Variants in EFL1 observed in about 807,000 individuals in gnomAD.
The protein encoded by EFL1 is elongation factor-like GTPase 1.
In EFL1, 76 loss-of-function variants were observed where a neutral mutation model predicts 126.7. The ratio of observed to expected loss-of-function variants is 0.60; its 90% CI spans 0.50 to 0.73. EFL1 has a LOEUF of 0.73. EFL1 is among the 30% of genes least tolerant of loss of function. The probability of loss-of-function intolerance (pLI) is 0.00; values close to 1 mark genes in which losing one functional copy is unlikely to be tolerated. For synonymous variants in EFL1, 410 were observed against 448.4 expected, an observed-to-expected ratio of 0.91 and a Z score of 1.08; for missense variants, 1,128 against 1,343.2, an observed-to-expected ratio of 0.84 and a Z score of 2.50.
At chr15:82,134,712 G>C (rs1330555299) in intron 19 of EFL1, among the ~76,000 whole-genome samples, 1 of 152,174 alleles carries the variant, frequency 6.6e-6, no homozygotes, top group Non-Finnish European at 1.5e-5. Flanking sequence ...TGAATCTTGA[G>C]GTTATGCTGA....
At chr15:82,231,751 A>G (rs1394892261) in intron 7 of EFL1, among the ~76,000 whole-genome samples, 1 of 152,168 alleles carries the variant, frequency 6.6e-6, no homozygotes, top group African/African-American at 2.4e-5. Context: ...AATAAAGGGT[A>G]TACTGATTAG....
At chr15:82,168,099 A>C (rs1501371) in intron 15 of EFL1, among the ~76,000 whole-genome samples, 97,142 of 151,986 alleles carry the variant, frequency 0.64, 32,520 homozygotes, top group African/African-American at 0.84. Context: ...GAGAACCCTT[A>C]GTTTTGAAAG....
rs1198678201 is a variant in EFL1 at position 82,241,312 on chromosome 15, T to C, written c.336A>G (p.Gly112=). ...CCACAGCATCTACCACAATGATGCATCCATCACAAATGCGAACAGCGGTTG... is the reference window on the plus strand; with the variant it reads ...CCACAGCATCTACCACAATGATGCACCCATCACAAATGCGAACAGCGGTTG... The part of the protein sequence containing the change: ...EVSTAVRICD[G]CIIVVDAVEG... Residue 112 remains glycine, a synonymous_variant, in exon 5 of 20, where the codon GGA becomes GGG. Transcript: ENST00000268206. 1.9e-6 allele frequency: 3 copies of C among 1,613,992 alleles called. No individual in the cohort carries two copies. The South Asian group carries it at 3.3e-5, about 18-fold the overall frequency.
intron 11 of EFL1, among the ~76,000 whole-genome samples, chr15:82,225,743 A>G (rs1264909085): frequency 3.3e-5 from 5 of 152,196 alleles, no homozygotes; most frequent in Non-Finnish European, 7.3e-5. Context: ...CTGTATTATG[A>G]TATTAACAAA....
intron 18 of EFL1, among the ~76,000 whole-genome samples, chr15:82,142,971 T>C (rs529905767): frequency 2.8e-4 from 43 of 152,356 alleles, no homozygotes; most frequent in African/African-American, 1.0e-3. Context: ...TGTTCTTTTA[T>C]GGCCCTATGG....
At chr15:82,144,936 T>C in intron 18 of EFL1, among the ~76,000 whole-genome samples, 1 of 150,282 alleles carries the variant, frequency 6.7e-6, no homozygotes, top group African/African-American at 2.5e-5. Flanking sequence ...GAGGTTGCAG[T>C]GAGCCAGGAT....
intron 15 of EFL1, among the ~76,000 whole-genome samples, chr15:82,188,919 T>C (rs1403017679): frequency 3.4e-5 from 2 of 59,606 alleles, no homozygotes; most frequent in Non-Finnish European, 6.1e-5. Context: ...GTGTTTATGC[T>C]TTTTTTTTTT....
chr15:82,196,756 G>A (rs921530705), intron 15 of EFL1, among the ~76,000 whole-genome samples: 3 of 152,178 alleles, frequency 2.0e-5, no homozygotes, highest in South Asian at 2.1e-4. Flanking sequence ...GGCTTCGGCC[G>A]GGAGCGGTGG....
chr15:82,222,111 C>T (rs1422608877), intron 12 of EFL1, among the ~76,000 whole-genome samples: 1 of 152,228 alleles, frequency 6.6e-6, no homozygotes, highest in Non-Finnish European at 1.5e-5. Flanking sequence ...ACCAGAGGTA[C>T]CTGCTAGCAT....
At chr15:82,244,886 G>A (rs1005279450) in intron 4 of EFL1, among the ~76,000 whole-genome samples, 5 of 152,130 alleles carry the variant, frequency 3.3e-5, no homozygotes, top group Non-Finnish European at 7.3e-5. Flanking sequence ...GCTGATGAGA[G>A]AAAACTTTCC....
chr15:82,230,496 G>C (rs1010781089), intron 8 of EFL1, among the ~76,000 whole-genome samples: 5 of 152,022 alleles, frequency 3.3e-5, no homozygotes, highest in African/African-American at 1.2e-4. Context: ...ACCATACAGG[G>C]ATGTCTAGAA....
At chr15:82,171,984 A>T (rs895114840) in intron 15 of EFL1, among the ~76,000 whole-genome samples, 1 of 152,106 alleles carries the variant, frequency 6.6e-6, no homozygotes, top group Non-Finnish European at 1.5e-5. Context: ...ACTAGTACAG[A>T]TCAATGAAAA....
chr15:82,184,812 G>C (rs2074286507), intron 15 of EFL1, among the ~76,000 whole-genome samples: 1 of 152,154 alleles, frequency 6.6e-6, no homozygotes, highest in South Asian at 2.1e-4. Context: ...GGGATTATTG[G>C]ATGAAATAGA....
At chr15:82,260,242 A>T (rs28405729) in intron 2 of EFL1, among the ~76,000 whole-genome samples, 1,790 of 152,340 alleles carry the variant, frequency 0.012, 29 homozygotes, top group African/African-American at 0.041. Flanking sequence ...TAAAGAAAAA[A>T]AAAACCCTTT....
chr15:82,203,394 A>G (rs759730799), intron 15 of EFL1, among the ~76,000 whole-genome samples: 4 of 152,168 alleles, frequency 2.6e-5, no homozygotes, highest in Non-Finnish European at 4.4e-5. Context: ...TTTGAGACGG[A>G]GTCTCGCTCT....
At chr15:82,260,293 T>G (rs1386705079) in intron 2 of EFL1, among the ~76,000 whole-genome samples, 1 of 152,168 alleles carries the variant, frequency 6.6e-6, no homozygotes, top group Non-Finnish European at 1.5e-5. Context: ...AGTAAAATTA[T>G]AAAAACTCAT....
chr15:82,200,907 G>T (rs1250815175), intron 15 of EFL1, among the ~76,000 whole-genome samples: 1 of 151,714 alleles, frequency 6.6e-6, no homozygotes, highest in Non-Finnish European at 1.5e-5. Flanking sequence ...TTTTAAGACA[G>T]TGTTCCACTC....
intron 6 of EFL1, among the ~76,000 whole-genome samples, chr15:82,240,005 A>T (rs777202414): frequency 1.3e-5 from 2 of 152,216 alleles, no homozygotes; most frequent in Non-Finnish European, 2.9e-5. Context: ...TTATATTCAC[A>T]ATCCCTAGTG....
chr15:82,201,328 G>C (rs1413726610), intron 15 of EFL1, among the ~76,000 whole-genome samples: 1 of 152,156 alleles, frequency 6.6e-6, no homozygotes, highest in Non-Finnish European at 1.5e-5. Context: ...TGGGTGTTAG[G>C]AAGGTAAAAG....
Sources: gnomAD v4.1 joint callset for allele counts (sites outside exome capture counted in the v4.1 genomes callset) on GRCh38, gnomAD v4.1.1 for gene constraint, MANE v1.5 for transcripts, NCBI Gene and HGNC (gene_info 2026-07-23, HGNC 2026-07-21) for gene names.